The following ZNG1A variants were observed in gnomAD, a reference collection of about 807,000 sequenced individuals.
The protein encoded by ZNG1A is zinc-regulated GTPase metalloprotein activator 1A.
the ZNG1A span, chr9:172,217 T>C: frequency 6.2e-7 from 1 of 1,604,326 alleles, no homozygotes; most frequent in Non-Finnish European, 8.5e-7. Context: ...ACCTAAATAT[T>C]TTGAAGTGAT....
chr9:175,815 A>G, the ZNG1A span: 2 of 609,684 alleles, frequency 3.3e-6, no homozygotes, highest in East Asian at 5.5e-5. Flanking sequence ...AAATAAAAAA[A>G]TTCAAAATAA....
At chr9:126,963 G>C in the ZNG1A span, among the ~76,000 whole-genome samples, 2 of 152,042 alleles carry the variant, frequency 1.3e-5, no homozygotes, top group Non-Finnish European at 2.9e-5. Flanking sequence ...TCAGGAGCAG[G>C]TTATTCCATG....
chr9:170,335 T>TTG, the ZNG1A span, among the ~76,000 whole-genome samples: 2,819 of 146,650 alleles, frequency 0.019, 60 homozygotes, highest in South Asian at 0.033. Flanking sequence ...ATGTACCTAC[T>TTG]TGTGTGTGTG....
the ZNG1A span, chr9:146,466 A>G: frequency 5.0e-4 from 121 of 244,282 alleles, 1 homozygote; most frequent in Admixed American, 3.2e-3. Context: ...ATTACTCAAA[A>G]GATGAAACAA....
At chr9:144,789 C>T in the ZNG1A span, among the ~76,000 whole-genome samples, 9 of 151,028 alleles carry the variant, frequency 6.0e-5, no homozygotes, top group African/African-American at 1.9e-4. Context: ...ATTTTTGCAA[C>T]CTACTCATCT....
chr9:129,963 T>G, the ZNG1A span, among the ~76,000 whole-genome samples: 1 of 150,728 alleles, frequency 6.6e-6, no homozygotes, highest in African/African-American at 2.5e-5. Context: ...CTATGCTGTA[T>G]AGCCTGTTGC....
chr9:150,116 GTTTTGTTTTTTTTT>G, the ZNG1A span: 1 of 101,388 alleles, frequency 9.9e-6, no homozygotes, highest in African/African-American at 3.9e-5. Context: ...CAAATCTCCG[GTTTTGTTTTTTTTT>G]TTTTTTTTTT....
chr9:172,401 T>A, the ZNG1A span: 1 of 426,834 alleles, frequency 2.3e-6, no homozygotes, highest in East Asian at 4.1e-5. Context: ...CATAATACTT[T>A]ATCAAAATTA....
At chr9:150,114 C>T in the ZNG1A span, 3 of 134,948 alleles carry the variant, frequency 2.2e-5, no homozygotes, top group East Asian at 4.3e-4. Flanking sequence ...ACCAAATCTC[C>T]GGTTTTGTTT....
At chr9:173,633 C>A in the ZNG1A span, among the ~76,000 whole-genome samples, 1 of 152,094 alleles carries the variant, frequency 6.6e-6, no homozygotes, top group Non-Finnish European at 1.5e-5. Flanking sequence ...TACTTGGCCA[C>A]CCCCATTTCT....
chr9:129,068 T>C, the ZNG1A span, among the ~76,000 whole-genome samples: 1 of 151,210 alleles, frequency 6.6e-6, no homozygotes, highest in South Asian at 2.1e-4. Flanking sequence ...CCAGCACCTG[T>C]TCCAGTGGAG....
At chr9:122,457 T>C in the ZNG1A span, 19 of 1,113,450 alleles carry the variant, frequency 1.7e-5, no homozygotes, top group African/African-American at 1.8e-4. Context: ...TTCACAGTTT[T>C]CGTGGGAAAA....
chr9:145,924 G>A, the ZNG1A span, among the ~76,000 whole-genome samples: 1 of 150,680 alleles, frequency 6.6e-6, no homozygotes, highest in East Asian at 1.9e-4. Context: ...AATGCAATAT[G>A]ATTTCCAAAC....
chr9:128,613 A>T, the ZNG1A span, among the ~76,000 whole-genome samples: 1 of 147,318 alleles, frequency 6.8e-6, no homozygotes. Flanking sequence ...ATATCTTTAC[A>T]TTGGGCTTCA....
At chr9:145,563 G>C in the ZNG1A span, among the ~76,000 whole-genome samples, 1 of 108,338 alleles carries the variant, frequency 9.2e-6, no homozygotes, top group Non-Finnish European at 1.8e-5. Context: ...TGGGGGGAGG[G>C]GGGAGGGATA....
chr9:131,309 T>C, the ZNG1A span, among the ~76,000 whole-genome samples: 1 of 146,516 alleles, frequency 6.8e-6, no homozygotes. Context: ...GTCTCTAAAA[T>C]AAAATTTAGG....
the ZNG1A span, chr9:150,565 C>A: frequency 5.1e-6 from 5 of 983,298 alleles, no homozygotes; most frequent in South Asian, 1.4e-4. Flanking sequence ...GATTCTAATG[C>A]AACTTCAGTC....
the ZNG1A span, among the ~76,000 whole-genome samples, chr9:137,507 G>C: frequency 2.6e-5 from 4 of 152,048 alleles, no homozygotes; most frequent in East Asian, 7.7e-4. Context: ...TTCTAATCCA[G>C]ACACGGCGGA....
chr9:159,212 CTAAT>C, the ZNG1A span, among the ~76,000 whole-genome samples: 2 of 149,136 alleles, frequency 1.3e-5, no homozygotes, highest in Admixed American at 1.3e-4. Context: ...AATTTTGATA[CTAAT>C]TAATCCAACA....
Sources: gnomAD v4.1 joint callset for allele counts (sites outside exome capture counted in the v4.1 genomes callset) on GRCh38, gnomAD v4.1.1 for gene constraint, MANE v1.5 for transcripts, NCBI Gene and HGNC (gene_info 2026-07-23, HGNC 2026-07-21) for gene names.